PHF21B: variants seen among roughly 807,000 people sequenced by gnomAD.
PHF21B encodes PHD finger protein 4.
In PHF21B, 22 loss-of-function variants were observed where a neutral mutation model predicts 62.2. The observed-to-expected ratio is 0.35, with a 90% CI of 0.25 to 0.51. The LOEUF (loss-of-function observed/expected upper bound fraction) is 0.51. Ranked by LOEUF, PHF21B falls within the 20% of genes least tolerant of loss-of-function variation. PHF21B has a pLI of 0.97. For missense variants in PHF21B, 701 were observed against 707.9 expected (o/e 0.99, Z 0.11); for synonymous variants, 341 against 314.7 (o/e 1.08, Z -0.88).
intron 2 of PHF21B, among the ~76,000 whole-genome samples, chr22:44,987,932 A>T (rs2072981242): frequency 6.6e-6 from 1 of 152,134 alleles, no homozygotes; most frequent in East Asian, 1.9e-4. Context: ...AAGGTGGGCC[A>T]CCCTGAAGAT....
rs925591398 is a variant in PHF21B, at chr22:45,009,036, G to T, written c.55-426C>A. On this transcript the variant is annotated intron_variant, in intron 1 of 12. Coordinates refer to ENST00000313237, the MANE Select transcript of PHF21B (RefSeq NM_138415.5). The surrounding 1 kb of genome is among the most constrained non-coding windows in gnomAD (Gnocchi z 5.9). ...ATCTCCCCAACACACACACGCGCACGCCGAGCCCCGCTCAGGCTCCGGCCG... is the reference window on the plus strand; with the variant it reads ...ATCTCCCCAACACACACACGCGCACTCCGAGCCCCGCTCAGGCTCCGGCCG... The T allele has an allele frequency of 1.8e-6, 2 of 1,130,798 alleles. No homozygotes were observed. Among genetic ancestry groups the T allele is most frequent in the Admixed American group, 4.9e-5 (1 of 20,598 alleles). 70.0% of individuals were successfully genotyped at this position (1,130,798 alleles called of 1,614,324 possible). A position where few individuals can be genotyped will look rare whatever the true frequency, so the allele number is the denominator to read the frequency against.
At chr22:44,895,238 G>C (rs2071035759) in intron 6 of PHF21B, among the ~76,000 whole-genome samples, 1 of 152,144 alleles carries the variant, frequency 6.6e-6, no homozygotes, top group Non-Finnish European at 1.5e-5. Context: ...CCTGGCCTCA[G>C]CTTCCCCATG....
intron 3 of PHF21B, among the ~76,000 whole-genome samples, chr22:44,918,169 T>C (rs1465124514): frequency 6.6e-6 from 1 of 152,244 alleles, no homozygotes; most frequent in Non-Finnish European, 1.5e-5. Context: ...AAGTTACCCG[T>C]TGGAAAACTG....
chr22:44,949,903 C>T (rs1490124196), intron 2 of PHF21B, among the ~76,000 whole-genome samples: 2 of 152,164 alleles, frequency 1.3e-5, no homozygotes, highest in South Asian at 2.1e-4. Context: ...TGTACTTTAA[C>T]GTGACTGATC....
At chr22:44,918,660 G>A (rs903806360) in intron 3 of PHF21B, among the ~76,000 whole-genome samples, 2 of 152,246 alleles carry the variant, frequency 1.3e-5, no homozygotes, top group African/African-American at 4.8e-5. Flanking sequence ...GACCCGGCAT[G>A]CACTGGACAC....
chr22:44,947,580 C>G (rs976216072), intron 2 of PHF21B, among the ~76,000 whole-genome samples: 1 of 151,350 alleles, frequency 6.6e-6, no homozygotes, highest in Non-Finnish European at 1.5e-5. Flanking sequence ...ACCGCAGCCC[C>G]GCTCGGCAGC....
chr22:44,927,877 A>G (rs931193017), intron 2 of PHF21B, among the ~76,000 whole-genome samples: 2 of 152,190 alleles, frequency 1.3e-5, no homozygotes, highest in Non-Finnish European at 2.9e-5. Context: ...TACAGCTCCA[A>G]GCATTTTAAT....
Position 44,883,314 on chromosome 22 carries a change from A to T in PHF21B, c.1378-10T>A, listed in dbSNP as rs2070771426. 1 of 1,612,258 alleles carries T rather than the reference A, an allele frequency of 6.2e-7. No individual in the cohort carries two copies. Reference sequence around the variant, plus strand: ...TCAACTCCAGGCATTTCTGTTGGGGAGAAGGTCAGGGGAAAGGGTCTCAGT... The same window carrying T: ...TCAACTCCAGGCATTTCTGTTGGGGTGAAGGTCAGGGGAAAGGGTCTCAGT... On this transcript the variant is annotated splice_polypyrimidine_tract_variant and intron_variant, in intron 12 of 12. Coordinates refer to ENST00000313237, the MANE Select transcript of PHF21B (RefSeq NM_138415.5).
chr22:44,911,251 A>C (rs2071339060), intron 5 of PHF21B, among the ~76,000 whole-genome samples: 1 of 152,208 alleles, frequency 6.6e-6, no homozygotes, highest in African/African-American at 2.4e-5. Context: ...TGACAATGCG[A>C]TAGAAAAGAA....
intron 2 of PHF21B, among the ~76,000 whole-genome samples, chr22:44,955,005 C>G (rs137911894): frequency 6.6e-6 from 1 of 152,250 alleles, no homozygotes; most frequent in Non-Finnish European, 1.5e-5. Context: ...AGCTTCCAGC[C>G]CAGAAGCCAT....
intron 2 of PHF21B, among the ~76,000 whole-genome samples, chr22:44,932,496 G>A (rs982758626): frequency 2.6e-5 from 4 of 152,224 alleles, no homozygotes; most frequent in African/African-American, 9.6e-5. Context: ...ATCGATGGTA[G>A]TGCCTCTAGC....
intron 2 of PHF21B, chr22:44,933,622 G>A (rs1306450414): frequency 1.2e-6 from 1 of 801,584 alleles, no homozygotes; most frequent in South Asian, 5.7e-5. Flanking sequence ...CGTTAAGTGG[G>A]GTGGGGGAGC....
Position 44,888,022 on chromosome 22 carries a change from C to G in PHF21B, c.1138G>C (p.Glu380Gln), listed in dbSNP as rs757345073. Reference sequence around the variant, plus strand: ...TTGGGCGCCGTCTTGAGGGGCGGCTCCAGGCAGCTGAGGTGGTAGGCCCCC... The same window carrying G: ...TTGGGCGCCGTCTTGAGGGGCGGCTGCAGGCAGCTGAGGTGGTAGGCCCCC... ...CPGAYHLSCLEPPLKTAPKGV... is the reference protein window; with the variant it reads ...CPGAYHLSCLQPPLKTAPKGV... Residue 380 changes from glutamate to glutamine, a missense_variant, in exon 10 of 13, where the codon GAG (glutamate) becomes CAG (glutamine). Glu to Gln is a conservative substitution (Grantham distance 29, BLOSUM62 2). Transcript: ENST00000313237. 1 of 1,566,254 alleles carries G rather than the reference C, an allele frequency of 6.4e-7. No homozygotes were observed. Among genetic ancestry groups the G allele is most frequent in the Non-Finnish European group, 8.6e-7 (1 of 1,156,332 alleles).
intron 2 of PHF21B, among the ~76,000 whole-genome samples, chr22:44,997,973 C>G (rs1289379637): frequency 6.6e-6 from 1 of 152,218 alleles, no homozygotes; most frequent in Admixed American, 6.5e-5. Flanking sequence ...TGGCCCCTAC[C>G]CTCAATTGTA....
At chr22:44,952,881 C>G (rs2072221444) in intron 2 of PHF21B, among the ~76,000 whole-genome samples, 1 of 152,188 alleles carries the variant, frequency 6.6e-6, no homozygotes, top group Non-Finnish European at 1.5e-5. Context: ...AGGCAGGATT[C>G]AGCCCCTGTG....
chr22:44,882,938 C>T lies in PHF21B; in HGVS notation c.*148G>A, dbSNP rs1267286393. On this transcript the variant is annotated 3_prime_UTR_variant, in exon 13 of 13. Coordinates refer to ENST00000313237, the MANE Select transcript of PHF21B (RefSeq NM_138415.5). ...CACCTGGTCCTGGCTCTAGGCCTCT[C>T]GCCCAGCTCTTCCTCCCTCCTCTCC... 9.9e-6 allele frequency: 10 copies of T among 1,006,636 alleles called. No homozygotes were observed. Among genetic ancestry groups the T allele is most frequent in the South Asian group, 4.9e-5 (3 of 61,250 alleles). 62.4% of individuals were successfully genotyped at this position (1,006,636 alleles called of 1,614,324 possible). A position where few individuals can be genotyped will look rare whatever the true frequency, so the allele number is the denominator to read the frequency against.
intron 2 of PHF21B, among the ~76,000 whole-genome samples, chr22:44,991,730 C>A (rs1282361371): frequency 6.6e-6 from 1 of 152,210 alleles, no homozygotes; most frequent in East Asian, 1.9e-4. Flanking sequence ...TGGCCTCCCT[C>A]CACTGGCCTG....
intron 2 of PHF21B, among the ~76,000 whole-genome samples, chr22:45,002,421 C>T (rs978669308): frequency 2.6e-4 from 39 of 152,168 alleles, no homozygotes; most frequent in African/African-American, 9.2e-4. Flanking sequence ...AGAGGTGTCC[C>T]CCACTAATTC....
intron 2 of PHF21B, among the ~76,000 whole-genome samples, chr22:44,994,385 C>CAG (rs966576440): frequency 2.6e-5 from 4 of 152,264 alleles, no homozygotes; most frequent in African/African-American, 9.6e-5. Context: ...TAGACAGAGG[C>CAG]AGAGACTGGA....
Sources: allele counts gnomAD v4.1 joint callset (sites outside exome capture counted in the v4.1 genomes callset), GRCh38; gene constraint gnomAD v4.1.1; non-coding constraint Gnocchi (gnomAD v3.1); transcripts MANE v1.5; gene names NCBI Gene and HGNC (gene_info 2026-07-23, HGNC 2026-07-21).